The following CAMK2D variants were observed in gnomAD, a reference collection of about 807,000 sequenced individuals.
The protein encoded by CAMK2D is calcium/calmodulin dependent protein kinase II delta, also known as calcium/calmodulin-dependent protein kinase type II subunit delta.
In CAMK2D, 37 loss-of-function variants were observed where a neutral mutation model predicts 84.0. The observed-to-expected ratio is 0.44, with a 90% CI of 0.34 to 0.58. The LOEUF (loss-of-function observed/expected upper bound fraction) is 0.58, where lower values mean the gene tolerates loss of function less well. CAMK2D is among the 20% of genes least tolerant of loss of function. The pLI, the probability that CAMK2D is intolerant of heterozygous loss-of-function variation, is 0.02. For missense variants in CAMK2D, 448 were observed against 652.5 expected (o/e 0.69, Z 3.41); for synonymous variants, 202 against 212.5 (o/e 0.95, Z 0.43).
chr4:113,540,568 T>C (rs1218262801), intron 6 of CAMK2D, among the ~76,000 whole-genome samples: 1 of 152,188 alleles, frequency 6.6e-6, no homozygotes, highest in Non-Finnish European at 1.5e-5. Flanking sequence ...AACTCACAAA[T>C]GCCTGGAGCT....
intron 4 of CAMK2D, among the ~76,000 whole-genome samples, chr4:113,566,964 C>T (rs1409821390): frequency 6.6e-6 from 1 of 152,056 alleles, no homozygotes; most frequent in Non-Finnish European, 1.5e-5. Context: ...CTGTCTTGTC[C>T]ATTACTGTAT....
At chr4:113,742,003 T>C (rs1438875101) in intron 2 of CAMK2D, among the ~76,000 whole-genome samples, 1 of 152,222 alleles carries the variant, frequency 6.6e-6, no homozygotes, top group Non-Finnish European at 1.5e-5. Flanking sequence ...CATTATCTAA[T>C]TTATAGCCCT....
chr4:113,488,397 T>A (rs1442794295), intron 16 of CAMK2D, among the ~76,000 whole-genome samples: 1 of 152,164 alleles, frequency 6.6e-6, no homozygotes, highest in African/African-American at 2.4e-5. Flanking sequence ...TTTTTTGAAT[T>A]TTTGCGTGAG....
chr4:113,629,420 A>G (rs1056229168), intron 3 of CAMK2D, among the ~76,000 whole-genome samples: 4 of 152,136 alleles, frequency 2.6e-5, no homozygotes, highest in African/African-American at 9.6e-5. Context: ...TAAACTTTTT[A>G]AAATAAGAAA....
chr4:113,500,533 T>C, intron 15 of CAMK2D, 22 bp from the exon 16 acceptor site: 1 of 1,555,832 alleles, frequency 6.4e-7, no homozygotes, highest in Non-Finnish European at 8.8e-7. Context: ...AAAACACATT[T>C]TTAGGTTGCA....
At chr4:113,696,932 A>C (rs2154345307) in intron 2 of CAMK2D, among the ~76,000 whole-genome samples, 1 of 152,218 alleles carries the variant, frequency 6.6e-6, no homozygotes, top group East Asian at 1.9e-4. Flanking sequence ...AGTACAGAGA[A>C]GGTAATGCAT....
intron 2 of CAMK2D, among the ~76,000 whole-genome samples, chr4:113,730,425 G>A (rs72899854): frequency 0.03 from 4,518 of 152,194 alleles, 228 homozygotes; most frequent in African/African-American, 0.1. Flanking sequence ...AGGTTTTCCT[G>A]TATTTTAGAG....
intron 2 of CAMK2D, among the ~76,000 whole-genome samples, chr4:113,705,482 G>C (rs971440160): frequency 6.6e-6 from 1 of 152,124 alleles, no homozygotes; most frequent in African/African-American, 2.4e-5. Flanking sequence ...AAAGGCCTTT[G>C]CATTTGCTTT....
intron 4 of CAMK2D, 139 bp from the exon 5 acceptor site, chr4:113,552,235 G>T (rs2098634344): frequency 5.7e-6 from 3 of 523,268 alleles, no homozygotes; most frequent in South Asian, 3.3e-5. Flanking sequence ...ATGAGACAGT[G>T]TTCGTAAGTC....
intron 17 of CAMK2D, among the ~76,000 whole-genome samples, chr4:113,462,338 G>GTCTGTCTGTCTATCTATCTATCTATCTA (rs1554637439): frequency 6.1e-5 from 8 of 130,528 alleles, no homozygotes; most frequent in Non-Finnish European, 1.1e-4. Context: ...CTGTCTGTCT[G>GTCTGTCTGTCTATCTATCTATCTATCTA]TCTATCTATC....
At chr4:113,480,386 G>A (rs1162711734) in intron 16 of CAMK2D, among the ~76,000 whole-genome samples, 1 of 152,082 alleles carries the variant, frequency 6.6e-6, no homozygotes, top group Non-Finnish European at 1.5e-5. Flanking sequence ...ACACCAAAGC[G>A]CGTCCTCCAT....
chr4:113,705,158 A>C (rs2099441962), intron 2 of CAMK2D, among the ~76,000 whole-genome samples: 2 of 149,088 alleles, frequency 1.3e-5, no homozygotes, highest in Admixed American at 1.3e-4. Flanking sequence ...TCTACTACAA[A>C]TACAAAAAAA....
At chr4:113,504,125 T>C (rs1395105798) in intron 14 of CAMK2D, among the ~76,000 whole-genome samples, 1 of 152,166 alleles carries the variant, frequency 6.6e-6, no homozygotes, top group Non-Finnish European at 1.5e-5. Context: ...CTTAACATTT[T>C]TAAATTTATT....
intron 3 of CAMK2D, among the ~76,000 whole-genome samples, chr4:113,633,794 T>C (rs2154288926): frequency 6.8e-6 from 1 of 147,294 alleles, no homozygotes; most frequent in African/African-American, 2.7e-5. Context: ...TTTGTAAAAA[T>C]GTACATAATA....
intron 2 of CAMK2D, among the ~76,000 whole-genome samples, chr4:113,748,292 A>G (rs1317999351): frequency 6.6e-6 from 1 of 150,652 alleles, no homozygotes; most frequent in Non-Finnish European, 1.5e-5. Context: ...CATGGTGAAT[A>G]AGCATTTTTT....
chr4:113,527,496 A>G (rs1288097190), intron 8 of CAMK2D, among the ~76,000 whole-genome samples: 1 of 152,116 alleles, frequency 6.6e-6, no homozygotes. Context: ...TAACTTCTAT[A>G]TGTACTGGGA....
rs80282839 is a variant in CAMK2D, at chr4:113,538,402, T to C, written c.415-959A>G. On this transcript the variant is annotated intron_variant, in intron 6 of 20. Coordinates refer to ENST00000511664, the MANE Select transcript of CAMK2D (RefSeq NM_001321571.2). ...TGATCAGGAAAAGGAGACTGATTAA[T>C]ATATACAGTTAAGGATATACAACCC... Among the ~76,000 whole-genome samples the C allele has an allele frequency of 7.6e-3, 1,155 of 152,212 alleles. 16 individuals are homozygous for C. The highest frequency in any genetic ancestry group is 0.026 in the African/African-American group (1,096 of 41,532).
chr4:113,457,255 A>G lies in CAMK2D; in HGVS notation c.1535+80T>C, dbSNP rs910909427. On this transcript the variant is annotated intron_variant, in intron 19 of 20. Transcript: ENST00000511664. ...CTACTAGCGTTAAATAACATATACC[A>G]TGCTATTAACAATGGAATAAGTAGA... The G allele has an allele frequency of 6.2e-5, 97 of 1,560,918 alleles. No homozygotes were observed. In the Admixed American group the frequency reaches 1.8e-3, roughly 28 times the overall value.
At chr4:113,589,424 T>C (rs2098849150) in intron 4 of CAMK2D, among the ~76,000 whole-genome samples, 1 of 152,176 alleles carries the variant, frequency 6.6e-6, no homozygotes, top group South Asian at 2.1e-4. Context: ...AGTTGAGATA[T>C]GCCTAGCATG....
Sources: gnomAD v4.1 joint callset for allele counts (sites outside exome capture counted in the v4.1 genomes callset) on GRCh38, gnomAD v4.1.1 for gene constraint, MANE v1.5 for transcripts, NCBI Gene and HGNC (gene_info 2026-07-23, HGNC 2026-07-21) for gene names.